The following EIF4E3 variants were observed in gnomAD, a reference collection of about 807,000 sequenced individuals.
EIF4E3 encodes eukaryotic translation initiation factor 4E family member 3, also known as eukaryotic translation initiation factor 4E type 3.
In EIF4E3, 26 loss-of-function variants were observed where a neutral mutation model predicts 31.7. The ratio of observed to expected loss-of-function variants is 0.82; its 90% CI spans 0.60 to 1.14. The LOEUF is 1.14. Among genes scored for constraint, EIF4E3 ranks in the 50% most tolerant of loss-of-function variants. The probability of loss-of-function intolerance (pLI) is 0.00; values close to 1 mark genes in which losing one functional copy is unlikely to be tolerated. For missense variants in EIF4E3, 304 were observed against 270.9 expected (o/e 1.12, Z -0.86); for synonymous variants, 128 against 107.7 (o/e 1.19, Z -1.17).
intron 1 of EIF4E3, among the ~76,000 whole-genome samples, chr3:71,716,390 G>A (rs1201127259): frequency 6.6e-6 from 1 of 152,062 alleles, no homozygotes; most frequent in Admixed American, 6.6e-5. Context: ...CCGCCACCAC[G>A]CCCAGCTAAT....
intron 1 of EIF4E3, among the ~76,000 whole-genome samples, chr3:71,742,899 T>C (rs959926375): frequency 6.6e-6 from 1 of 152,174 alleles, no homozygotes; most frequent in Non-Finnish European, 1.5e-5. Context: ...TCTCAATAGA[T>C]GCATGGAAAG....
chr3:71,691,916 G>C (rs191632854), intron 5 of EIF4E3, among the ~76,000 whole-genome samples: 18 of 152,298 alleles, frequency 1.2e-4, no homozygotes, highest in African/African-American at 4.1e-4. Flanking sequence ...ACTTTCAAGA[G>C]TGGCCATGAA....
At position 71,680,351 on chromosome 3, in the gene EIF4E3, T is replaced by C. The variant is rs2048909037; in HGVS notation, c.*4331A>G. On this transcript the variant is annotated 3_prime_UTR_variant, in exon 7 of 7. Coordinates refer to ENST00000425534, the MANE Select transcript of EIF4E3 (RefSeq NM_001134651.2). ...TTTCTAGTGCTGGGGTCAAGAAATG[T>C]GAATAATAAGTAAGTATCTGAGTGA... 1 of 152,094 alleles carries C rather than the reference T, an allele frequency of 6.6e-6. No homozygotes were observed. The highest frequency in any genetic ancestry group is 1.5e-5 in the Non-Finnish European group (1 of 67,998). 9.4% of individuals were successfully genotyped at this position (152,094 alleles called of 1,614,324 possible).
chr3:71,754,524 G>T (rs1374381703), upstream of EIF4E3: 1 of 1,339,712 alleles, frequency 7.5e-7, no homozygotes, highest in Admixed American at 3.4e-5. This position sits in a 1 kb window ranked among gnomAD's most constrained non-coding sequence, Gnocchi z 5.8. Flanking sequence ...CTTCCCGCCA[G>T]TGCTGGACGG....
At chr3:71,751,683 TAA>T (rs2049930480) in intron 1 of EIF4E3, among the ~76,000 whole-genome samples, 1 of 152,208 alleles carries the variant, frequency 6.6e-6, no homozygotes, top group South Asian at 2.1e-4. Flanking sequence ...ATGATATGTT[TAA>T]GTGTTTGTTT....
At chr3:71,726,760 T>C (rs1414697250), upstream of EIF4E3, among the ~76,000 whole-genome samples, 1 of 152,226 alleles carries the variant, frequency 6.6e-6, no homozygotes, top group African/African-American at 2.4e-5. Flanking sequence ...ACCGCTGCTT[T>C]AAACTTAACT....
chr3:71,704,177 C>T (rs1228678593), intron 2 of EIF4E3, among the ~76,000 whole-genome samples: 3 of 152,134 alleles, frequency 2.0e-5, no homozygotes, highest in Non-Finnish European at 4.4e-5. Flanking sequence ...ATAGAGTAAA[C>T]GAGATGTGAC....
chr3:71,712,538 C>T (rs899624760), intron 1 of EIF4E3, among the ~76,000 whole-genome samples: 1 of 145,390 alleles, frequency 6.9e-6, no homozygotes, highest in Non-Finnish European at 1.5e-5. Context: ...TCTGACTGCT[C>T]TACTACATAT....
chr3:71,717,833 G>A (rs2049487988), intron 1 of EIF4E3, among the ~76,000 whole-genome samples: 1 of 152,180 alleles, frequency 6.6e-6, no homozygotes, highest in Non-Finnish European at 1.5e-5. Flanking sequence ...AATAATGTGA[G>A]AATTTTATGG....
upstream of EIF4E3, chr3:71,754,138 G>C (rs770209538): frequency 6.9e-7 from 1 of 1,455,328 alleles, no homozygotes; most frequent in South Asian, 1.2e-5. The surrounding 1 kb of genome is among the most constrained non-coding windows in gnomAD (Gnocchi z 5.8). Flanking sequence ...CTGCTGCTGT[G>C]CGTGAGCCTA....
chr3:71,725,000 C>T (rs904669166), intron 1 of EIF4E3, among the ~76,000 whole-genome samples, 192 bp downstream of exon 1: 2 of 152,050 alleles, frequency 1.3e-5, no homozygotes, highest in African/African-American at 4.8e-5. Context: ...GCCGAACAGC[C>T]GCCCGGCGCG....
chr3:71,746,793 T>C (rs1297601902), intron 1 of EIF4E3, among the ~76,000 whole-genome samples: 2 of 152,198 alleles, frequency 1.3e-5, no homozygotes, highest in Non-Finnish European at 2.9e-5. Flanking sequence ...TCTCCAATCC[T>C]TTCCCCCAGC....
chr3:71,754,113 C>T (rs996646103), upstream of EIF4E3: 4 of 1,411,606 alleles, frequency 2.8e-6, no homozygotes, highest in African/African-American at 4.5e-5. This position sits in a 1 kb window ranked among gnomAD's most constrained non-coding sequence, Gnocchi z 5.8. Flanking sequence ...GGGCCTCAAG[C>T]TGGCCACGCT....
At chr3:71,729,429 T>C (rs564181230), upstream of EIF4E3, among the ~76,000 whole-genome samples, 5 of 152,300 alleles carry the variant, frequency 3.3e-5, no homozygotes, top group South Asian at 2.1e-4. Context: ...TGGGAGGGAA[T>C]TGGCCAGTGG....
In EIF4E3 at chr3:71,684,158, A is replaced by G. The variant is rs2048958644; in HGVS notation, c.*524T>C. The G allele has an allele frequency of 6.6e-6, 1 of 152,638 alleles. No homozygotes were observed. The highest frequency in any genetic ancestry group is 1.5e-5 in the Non-Finnish European group (1 of 68,036). 9.5% of individuals were successfully genotyped at this position (152,638 alleles called of 1,614,324 possible). ...CTTTTCCCTGGGACAGAAAAAAACA[A>G]TGCCCAGCTCACAGTACATAGGAAT... is the stretch of plus-strand genomic sequence containing the variant. On this transcript the variant is annotated 3_prime_UTR_variant, in exon 7 of 7. Coordinates refer to ENST00000425534, the MANE Select transcript of EIF4E3 (RefSeq NM_001134651.2).
At chr3:71,667,452 A>T in the EIF4E3 span, among the ~76,000 whole-genome samples, 1 of 152,220 alleles carries the variant, frequency 6.6e-6, no homozygotes, top group Non-Finnish European at 1.5e-5. Context: ...GAAGAGAAGA[A>T]GTCAAATTAT....
chr3:71,744,835 CAAGA>C (rs2049855164), intron 1 of EIF4E3, among the ~76,000 whole-genome samples: 1 of 152,182 alleles, frequency 6.6e-6, no homozygotes, highest in African/African-American at 2.4e-5. Context: ...AAGAATAAAA[CAAGA>C]AAGAGAAAGA....
At chr3:71,750,239 G>A (rs1197800278) in intron 1 of EIF4E3, among the ~76,000 whole-genome samples, 1 of 152,096 alleles carries the variant, frequency 6.6e-6, no homozygotes, top group East Asian at 1.9e-4. Context: ...CAGAGCCCAG[G>A]ACCCTCAGAA....
rs1485626021 is a variant in EIF4E3 at position 71,688,481 on chromosome 3, AGTT to A, written c.628+1526_628+1528del. Among the ~76,000 whole-genome samples the A allele has an allele frequency of 2.6e-5, 4 of 152,228 alleles. No homozygotes were observed. In the East Asian group the frequency reaches 7.7e-4, roughly 29 times the overall value. On this transcript the variant is annotated intron_variant, in intron 6 of 6. Coordinates refer to ENST00000425534, the MANE Select transcript of EIF4E3 (RefSeq NM_001134651.2). The stretch of plus-strand genomic sequence containing the variant: ...CAGATGAGAAAGGTAAAGGATGAGA[AGTT>A]GTGACTTGCTCAAGGTCACACTGGT...
Sources: gnomAD v4.1 joint callset for allele counts (sites outside exome capture counted in the v4.1 genomes callset) on GRCh38, gnomAD v4.1.1 for gene constraint, Gnocchi (gnomAD v3.1) non-coding constraint, MANE v1.5 for transcripts, NCBI Gene and HGNC (gene_info 2026-07-23, HGNC 2026-07-21) for gene names.